Variants in COL3A1 observed in about 807,000 individuals in gnomAD.
The protein encoded by COL3A1 is collagen alpha-1(III) chain.
In COL3A1, 46 loss-of-function variants were observed where a neutral mutation model predicts 200.9. That is an observed-to-expected ratio of 0.23 (90% CI 0.18 to 0.29). COL3A1 has a LOEUF of 0.29. Ranked by LOEUF, COL3A1 falls within the 10% of genes least tolerant of loss-of-function variation. The pLI is 1.00. For missense variants in COL3A1, 1,367 were observed against 1,917.6 expected, an observed-to-expected ratio of 0.71 and a Z score of 5.36; for synonymous variants, 650 against 628.0, an observed-to-expected ratio of 1.03 and a Z score of -0.52.
In COL3A1 at chr2:188,994,055, T is replaced by G; in HGVS notation, c.1167T>G (p.Asn389Lys). ...AQGPPGPPGI[N>K]GSPGGKGEMG... ...ATACTTAGGGCCCTCCTGGGATTAATGGTAGTCCTGGTGGTAAAGGCGAAA... is the reference window on the plus strand; with the variant it reads ...ATACTTAGGGCCCTCCTGGGATTAAGGGTAGTCCTGGTGGTAAAGGCGAAA... Residue 389 changes from asparagine to lysine, a missense_variant, in exon 17 of 51, where the codon AAT (asparagine) becomes AAG (lysine). Transcript: ENST00000304636. The surrounding 1 kb of genome is among the most constrained non-coding windows in gnomAD (Gnocchi z 4.5). 1 of 1,614,178 alleles carries G rather than the reference T, an allele frequency of 6.2e-7. No homozygotes were observed.
Position 189,006,414 on chromosome 2 carries a change from G to C in COL3A1, c.3163G>C (p.Val1055Leu). Residue 1055 changes from valine (V) to leucine (L), a missense_variant, in exon 43 of 51, where the codon GTC becomes CTC. Val to Leu is a conservative substitution (Grantham distance 32). Around this residue, in one of 5 missense-constraint regions of COL3A1, gnomAD observed 846 missense variants for 1,147.9 expected, o/e 0.74. Transcript: ENST00000304636. ...APGHPGPPGP[V>L]GPAGKSGDRG... ...TGGTCATCCAGGCCCACCTGGTCCT[G>C]TCGGTCCAGCTGGAAAGAGTGGTGA... is the stretch of plus-strand genomic sequence containing the variant. 1 of 1,614,112 alleles carries C rather than the reference G, an allele frequency of 6.2e-7. No homozygotes were observed. Among genetic ancestry groups the C allele is most frequent in the South Asian group, 1.1e-5 (1 of 91,068 alleles).
At chr2:188,977,845 A>G (rs1002514424) in intron 1 of COL3A1, among the ~76,000 whole-genome samples, 1 of 152,052 alleles carries the variant, frequency 6.6e-6, no homozygotes, top group African/African-American at 2.4e-5. Flanking sequence ...AAGAATAGGT[A>G]TTTTTCTGTT....
chr2:189,007,687 T>G, intron 45 of COL3A1, 80 bp downstream of exon 45: 1 of 1,311,624 alleles, frequency 7.6e-7, no homozygotes, highest in Non-Finnish European at 1.1e-6. Context: ...TTTCCATCTC[T>G]AAAAATATGT....
rs946321390 is a variant in COL3A1, at chr2:188,996,005, A to G, written c.1609-120A>G. 16 of 1,045,558 alleles carry G rather than the reference A, an allele frequency of 1.5e-5. No homozygotes were observed. In the Admixed American group the frequency reaches 2.9e-4, roughly 19 times the overall value. 64.8% of individuals were successfully genotyped at this position (1,045,558 alleles called of 1,614,324 possible). A position where few individuals can be genotyped will look rare whatever the true frequency, so the allele number is the denominator to read the frequency against. On this transcript the variant is annotated intron_variant, in intron 22 of 50. Coordinates refer to ENST00000304636, the MANE Select transcript of COL3A1 (RefSeq NM_000090.4). The stretch of plus-strand genomic sequence containing the variant: ...TTAGATACTTTATAGACAGGAAAAA[A>G]GATGTGCAAATCTGAGGCTTCACAT...
chr2:189,010,102 T>C, intron 48 of COL3A1, 76 bp from the exon 49 acceptor site: 1 of 1,433,056 alleles, frequency 7.0e-7, no homozygotes, highest in Admixed American at 1.7e-5. Flanking sequence ...TATGAATGCC[T>C]TTACAGGTAA....
intron 40 of COL3A1, 106 bp from the exon 41 acceptor site, chr2:189,005,244 G>A (rs1474365165): frequency 5.7e-6 from 6 of 1,043,818 alleles, no homozygotes; most frequent in Non-Finnish European, 7.3e-6. Flanking sequence ...ATTCAATGAA[G>A]ATTAAATAAA....
At chr2:188,976,755 A>C (rs895322205) in intron 1 of COL3A1, among the ~76,000 whole-genome samples, 3 of 152,188 alleles carry the variant, frequency 2.0e-5, no homozygotes, top group Non-Finnish European at 4.4e-5. Context: ...ATTTGTGAAC[A>C]TTGTATTTAA....
At chr2:189,002,755 T>C (rs942310843) in intron 35 of COL3A1, among the ~76,000 whole-genome samples, 200 bp from the exon 36 acceptor site, 1 of 152,256 alleles carries the variant, frequency 6.6e-6, no homozygotes, top group African/African-American at 2.4e-5. Context: ...ATGCACAGTT[T>C]ATGCTTTCTT....
At position 188,974,391 on chromosome 2, in the gene COL3A1, GC is replaced by G; in HGVS notation, c.-96del. Reference sequence around the variant, plus strand: ...TCTCAGTGGCTGAGTTTTATGACGGGCCCGGTGCTGAAGGGCAGGGAACAAC... The same window carrying G: ...TCTCAGTGGCTGAGTTTTATGACGGGCCGGTGCTGAAGGGCAGGGAACAAC... On this transcript the variant is annotated 5_prime_UTR_variant, in exon 1 of 51. It introduces an in-frame stop codon into an upstream open reading frame of the 5' UTR. Transcript: ENST00000304636. 1.2e-6 allele frequency: 1 copy of G among 851,748 alleles called. No individual in the cohort carries two copies. The highest frequency in any genetic ancestry group is 1.5e-5 in the South Asian group (1 of 67,974). 52.8% of individuals were successfully genotyped at this position (851,748 alleles called of 1,614,324 possible).
rs1261828944 is a variant in COL3A1, at chr2:188,999,360, C to T, written c.2098C>T (p.Pro700Ser). The change falls in exon 30 of 51, where the codon CCC (proline) becomes TCC (serine). Residue 700 changes from proline to serine, a missense_variant. Physicochemically the swap from Pro to Ser is moderately conservative, Grantham distance 74 (BLOSUM62 -1). Around this residue, in one of 5 missense-constraint regions of COL3A1, gnomAD observed 846 missense variants for 1,147.9 expected, o/e 0.74. Transcript: ENST00000304636. ...GAPGLRGGAG[P>S]PGPEGGKGAA... ...CCCAGGACTTAGAGGTGGAGCTGGT[C>T]CCCCTGGTCCCGAAGGAGGAAAGGT... is the stretch of plus-strand genomic sequence containing the variant. 5.6e-6 allele frequency: 9 copies of T among 1,603,072 alleles called. No homozygotes were observed. The highest frequency in any genetic ancestry group is 1.1e-5 in the South Asian group (1 of 89,598).
rs1234305097 is a variant in COL3A1, at chr2:189,003,398, C to G, written c.2554-13C>G. The G allele has an allele frequency of 6.2e-7, 1 of 1,612,978 alleles. No homozygotes were observed. The highest frequency in any genetic ancestry group is 8.5e-7 in the Non-Finnish European group (1 of 1,179,252). On this transcript the variant is annotated splice_polypyrimidine_tract_variant and intron_variant, in intron 36 of 50. Transcript: ENST00000304636. ...GGTGCTATTCTTACATAATTTCCTT[C>G]CATTTCATATAGGGTCCTCCTGGTC...
chr2:188,982,125 T>C (rs764500244), intron 1 of COL3A1, among the ~76,000 whole-genome samples: 1 of 151,674 alleles, frequency 6.6e-6, no homozygotes, highest in Non-Finnish European at 1.5e-5. Context: ...GACTGTCATG[T>C]GCAGGTGAGA....
chr2:188,997,097 T>C, intron 24 of COL3A1, 68 bp from the exon 25 acceptor site: 1 of 1,162,534 alleles, frequency 8.6e-7, no homozygotes, highest in Non-Finnish European at 1.3e-6. Flanking sequence ...GACATATATA[T>C]ATGAGACAAT....
At position 188,974,429 on chromosome 2, in the gene COL3A1, A is replaced by G; in HGVS notation, c.-61A>G. On this transcript the variant is annotated 5_prime_UTR_variant, in exon 1 of 51. Transcript: ENST00000304636. ...GGGCAGGGAACAACTTGATGGTGCT[A>G]CTTTGAACTGCTTTTCTTTTCTCCT... 1 of 1,307,128 alleles carries G rather than the reference A, an allele frequency of 7.7e-7. No individual in the cohort carries two copies. The highest frequency in any genetic ancestry group is 1.1e-6 in the Non-Finnish European group (1 of 905,928). 81.0% of individuals were successfully genotyped at this position (1,307,128 alleles called of 1,614,324 possible).
chr2:188,976,651 C>T lies in COL3A1; in HGVS notation c.79+2083C>T, dbSNP rs1486138963. ...ATATATGCCCTCATAACTTCAGAGA[C>T]GGCACAGCTCTAATGAACACTCACT... On this transcript the variant is annotated intron_variant, in intron 1 of 50. Transcript: ENST00000304636. 5.9e-5 allele frequency among the ~76,000 whole-genome samples: 9 copies of T among 152,208 alleles called. No homozygotes were observed. In the South Asian group the frequency reaches 1.4e-3, roughly 25 times the overall value.
At position 188,994,146 on chromosome 2, in the gene COL3A1, C is replaced by T. The variant is rs1688246655; in HGVS notation, c.1194+64C>T. The T allele has an allele frequency of 6.2e-7, 1 of 1,609,874 alleles. No individual in the cohort carries two copies. Among genetic ancestry groups the T allele is most frequent in the African/African-American group, 1.3e-5 (1 of 74,826 alleles). On this transcript the variant is annotated intron_variant, in intron 17 of 50. Coordinates refer to ENST00000304636, the MANE Select transcript of COL3A1 (RefSeq NM_000090.4). The surrounding 1 kb of genome is among the most constrained non-coding windows in gnomAD (Gnocchi z 4.5). ...CATTACTGGCTTCTTTTGCATTTTG[C>T]ATGACAATAGATTTGTGATATTTAA...
At chr2:188,996,249 AGTGTGT>A (rs112143266) in intron 23 of COL3A1, 71 bp downstream of exon 23, 93 of 904,282 alleles carry the variant, frequency 1.0e-4, no homozygotes, top group African/African-American at 5.3e-4. Context: ...CCTATCCTTG[AGTGTGT>A]GTGTGTGTGT....
Position 188,992,227 on chromosome 2 carries a change from C to A in COL3A1, c.995C>A (p.Pro332Gln), listed in dbSNP as rs1688204625. 1 of 1,613,504 alleles carries A rather than the reference C, an allele frequency of 6.2e-7. No homozygotes were observed. Among genetic ancestry groups the A allele is most frequent in the African/African-American group, 1.3e-5 (1 of 74,860 alleles). Residue 332 changes from proline to glutamine, a missense_variant and splice_region_variant, in exon 14 of 51, where the codon CCA becomes CAA. Physicochemically the swap from Pro to Gln is moderately conservative, Grantham distance 76. Coordinates refer to ENST00000304636, the MANE Select transcript of COL3A1 (RefSeq NM_000090.4). The stretch of plus-strand genomic sequence containing the variant: ...GGTGCTCGAGGCAGTGATGGTCAAC[C>A]AGTAAGTAACTTTCTATCTCTTATG... ...NDGARGSDGQ[P>Q]GPPGPPGTAG...
chr2:188,995,911 A>C, intron 22 of COL3A1, 121 bp downstream of exon 22: 1 of 1,023,526 alleles, frequency 9.8e-7, no homozygotes, highest in South Asian at 1.5e-5. Context: ...GGCACCAAAC[A>C]AAACAAAATT....
Sources: gnomAD v4.1 joint callset for allele counts (sites outside exome capture counted in the v4.1 genomes callset) on GRCh38, gnomAD v4.1.1 for gene constraint, gnomAD v4.1.1 regional missense constraint, Gnocchi (gnomAD v3.1) non-coding constraint, MANE v1.5 for transcripts, NCBI Gene and HGNC (gene_info 2026-07-23, HGNC 2026-07-21) for gene names.